The following MIGA2 variants were observed in gnomAD, a reference collection of about 807,000 sequenced individuals.
The protein encoded by MIGA2 is mitoguardin 2.
Under a neutral mutation model 69.9 loss-of-function variants are expected in MIGA2, and 36 were observed. The observed-to-expected ratio is 0.52, with a 90% CI of 0.39 to 0.68. The LOEUF (loss-of-function observed/expected upper bound fraction) is 0.68. MIGA2 is among the 30% of genes least tolerant of loss of function. The pLI is 0.00. For synonymous variants in MIGA2, 333 were observed against 349.2 expected, an observed-to-expected ratio of 0.95 and a Z score of 0.52; for missense variants, 660 against 787.7, an observed-to-expected ratio of 0.84 and a Z score of 1.94.
Position 129,068,165 on chromosome 9 carries a change from C to A in MIGA2, c.1270-33C>A. On this transcript the variant is annotated intron_variant, in intron 12 of 15. Transcript: ENST00000684074. This position sits in a 1 kb window ranked among gnomAD's most constrained non-coding sequence, Gnocchi z 4.1. The stretch of plus-strand genomic sequence containing the variant: ...GGCCCCGAGGCTCCGGCAGTGCCCC[C>A]ATGCATGAGCCTCCCGGGGGCACCC... 6.2e-7 allele frequency: 1 copy of A among 1,613,462 alleles called. No individual in the cohort carries two copies. Among genetic ancestry groups the A allele is most frequent in the Non-Finnish European group, 8.5e-7 (1 of 1,179,976 alleles).
chr9:129,063,391 A>ATG lies in MIGA2; in HGVS notation c.1083+78_1083+79dup, dbSNP rs1846168804. The ATG allele has an allele frequency of 9.5e-6, 15 of 1,577,936 alleles. No homozygotes were observed. The South Asian group carries it at 1.1e-4, about 12-fold the overall frequency. On this transcript the variant is annotated intron_variant, in intron 10 of 15. Coordinates refer to ENST00000684074, the MANE Select transcript of MIGA2 (RefSeq NM_001329990.2). ...GGCTGGCCATGGCTGTGTGGCATGT[A>ATG]TGTGGCCTCCTGGTCCCTGGCCAGG...
intron 3 of MIGA2, among the ~76,000 whole-genome samples, chr9:129,047,718 A>G (rs1187125427): frequency 6.6e-6 from 1 of 151,080 alleles, no homozygotes; most frequent in Non-Finnish European, 1.5e-5. Context: ...CATCCTAAAA[A>G]AATTTATATA....
At chr9:129,050,807 G>A (rs998576120) in intron 6 of MIGA2, among the ~76,000 whole-genome samples, 3 of 151,838 alleles carry the variant, frequency 2.0e-5, no homozygotes, top group Non-Finnish European at 4.4e-5. Flanking sequence ...TCTTGACCTC[G>A]TGATCCGCCT....
rs10513506 is a variant in MIGA2 at position 129,036,860 on chromosome 9, C to A, written c.-144+179C>A. The stretch of plus-strand genomic sequence containing the variant: ...TGCGAGAGGGTGCCTTGCTTGGGAG[C>A]GGAACGAGAAGGTACTTGGGTCAGG... On this transcript the variant is annotated intron_variant, in intron 1 of 15. Coordinates refer to ENST00000684074, the MANE Select transcript of MIGA2 (RefSeq NM_001329990.2). The A allele has an allele frequency of 3.6e-6, 3 of 835,400 alleles. No individual in the cohort carries two copies. The South Asian group carries it at 1.7e-4, about 47-fold the overall frequency. The allele number at this position is 835,400 out of a possible 1,614,324, so 51.7% of individuals were successfully genotyped here. A position where few individuals can be genotyped will look rare whatever the true frequency, so the allele number is the denominator to read the frequency against.
At position 129,040,576 on chromosome 9, in the gene MIGA2, C is replaced by G; in HGVS notation, c.-19C>G. On this transcript the variant is annotated 5_prime_UTR_variant, in exon 2 of 16. Coordinates refer to ENST00000684074, the MANE Select transcript of MIGA2 (RefSeq NM_001329990.2). Reference sequence around the variant, plus strand: ...AAGCTCTTGGCCCTGAGGACTTTGCCTGGGGCATTGGCCCTGCCATGGCGT... The same window carrying G: ...AAGCTCTTGGCCCTGAGGACTTTGCGTGGGGCATTGGCCCTGCCATGGCGT... 1 of 1,605,230 alleles carries G rather than the reference C, an allele frequency of 6.2e-7. No homozygotes were observed. The highest frequency in any genetic ancestry group is 8.5e-7 in the Non-Finnish European group (1 of 1,173,768).
rs1379878993 is a variant in MIGA2, at chr9:129,063,554, G to A, written c.1093G>A (p.Glu365Lys). Residue 365 changes from glutamate (E) to lysine (K), a missense_variant, in exon 11 of 16, where the codon GAA (glutamate) becomes AAA (lysine). Glu to Lys is a moderately conservative substitution (Grantham distance 56, BLOSUM62 1). Around this residue, in one of 3 missense-constraint regions of MIGA2, gnomAD observed 386 missense variants for 402.0 expected, o/e 0.96. Coordinates refer to ENST00000684074, the MANE Select transcript of MIGA2 (RefSeq NM_001329990.2). ...CTTCCTCCTTCCCTAGGGGCTTCTG[G>A]AAGACAAGAGTAACCAGCTTTTCTT... ...CVRQAFEGLLEDKSNQLFFGK... is the reference protein window; with the variant it reads ...CVRQAFEGLLKDKSNQLFFGK... 6.4e-7 allele frequency: 1 copy of A among 1,568,132 alleles called. No homozygotes were observed. Among genetic ancestry groups the A allele is most frequent in the Non-Finnish European group, 8.7e-7 (1 of 1,152,056 alleles).
intron 6 of MIGA2, among the ~76,000 whole-genome samples, chr9:129,056,446 A>G (rs141331805): frequency 2.0e-5 from 3 of 152,286 alleles, no homozygotes; most frequent in African/African-American, 7.2e-5. Flanking sequence ...ACAGTAGGCA[A>G]TGCACGTCAC....
intron 3 of MIGA2, among the ~76,000 whole-genome samples, chr9:129,042,930 C>T (rs1220273922): frequency 2.0e-5 from 3 of 152,180 alleles, no homozygotes; most frequent in Non-Finnish European, 4.4e-5. Context: ...CGCGGTGGCT[C>T]ACGCCTGTAA....
rs1020327855 is a variant in MIGA2 at position 129,069,234 on chromosome 9, G to A, written c.1458+105G>A. On this transcript the variant is annotated intron_variant, in intron 14 of 15. Coordinates refer to ENST00000684074, the MANE Select transcript of MIGA2 (RefSeq NM_001329990.2). The surrounding 1 kb of genome is among the most constrained non-coding windows in gnomAD (Gnocchi z 4.9). ...CTCGCTGGGCCACTTGGCCTTCACC[G>A]CTCACAGTCCTGGCCCCCTTGTTCC... The A allele has an allele frequency of 3.6e-6, 5 of 1,402,520 alleles. No homozygotes were observed. The highest frequency in any genetic ancestry group is 1.7e-5 in the Admixed American group (1 of 59,332). The allele number at this position is 1,402,520 out of a possible 1,614,324, so 86.9% of individuals were successfully genotyped here. A position where few individuals can be genotyped will look rare whatever the true frequency, so the allele number is the denominator to read the frequency against.
intron 11 of MIGA2, 24 bp downstream of exon 11, chr9:129,063,655 G>GGGGGGA: frequency 3.1e-6 from 2 of 645,742 alleles, no homozygotes; most frequent in Non-Finnish European, 5.8e-6. Flanking sequence ...GGGTGGGGGG[G>GGGGGGA]CAAATTATAA....
chr9:129,068,974 G>T lies in MIGA2; in HGVS notation c.1405-102G>T. 1.5e-6 allele frequency: 2 copies of T among 1,338,790 alleles called. No homozygotes were observed. Among genetic ancestry groups the T allele is most frequent in the Non-Finnish European group, 2.1e-6 (2 of 932,802 alleles). 82.9% of individuals were successfully genotyped at this position (1,338,790 alleles called of 1,614,324 possible). Reference sequence around the variant, plus strand: ...TGGCCCCATCTTCCTGCTTGGAGTGGGGTGAGCTGGGTTTAAGGGCTTGGT... The same window carrying T: ...TGGCCCCATCTTCCTGCTTGGAGTGTGGTGAGCTGGGTTTAAGGGCTTGGT... On this transcript the variant is annotated intron_variant, in intron 13 of 15. Transcript: ENST00000684074. The surrounding 1 kb of genome is among the most constrained non-coding windows in gnomAD (Gnocchi z 4.1).
In MIGA2 at chr9:129,042,085, G is replaced by A. The variant is rs183619702; in HGVS notation, c.97-219G>A. 271 of 579,730 alleles carry A rather than the reference G, an allele frequency of 4.7e-4. 3 individuals are homozygous for A. The Middle Eastern group carries it at 5.7e-3, about 12-fold the overall frequency. 35.9% of individuals were successfully genotyped at this position (579,730 alleles called of 1,614,324 possible). On this transcript the variant is annotated intron_variant, in intron 2 of 15. Transcript: ENST00000684074. ...GCTGGCCCCTAGACCTCACCTTCTC[G>A]GCACTGGCATCTTGCCATCTTTATG...
intron 9 of MIGA2, among the ~76,000 whole-genome samples, chr9:129,062,873 T>G (rs1185553041): frequency 6.6e-6 from 1 of 151,366 alleles, no homozygotes; most frequent in Non-Finnish European, 1.5e-5. Flanking sequence ...TGACCAGAAA[T>G]GAATCAGACA....
At chr9:129,047,375 G>A (rs542931294) in intron 3 of MIGA2, among the ~76,000 whole-genome samples, 14 of 150,944 alleles carry the variant, frequency 9.3e-5, no homozygotes, top group Admixed American at 6.0e-4. Context: ...CACTGTGCCC[G>A]GCCCTGTCTC....
At chr9:129,052,128 T>TG (rs1189072354) in intron 6 of MIGA2, among the ~76,000 whole-genome samples, 2 of 127,408 alleles carry the variant, frequency 1.6e-5, no homozygotes. Context: ...GCCCAGCCTG[T>TG]AATTTATTTA....
intron 1 of MIGA2, chr9:129,036,944 TC>T (rs1158875654): frequency 6.0e-6 from 6 of 1,002,626 alleles, no homozygotes; most frequent in Non-Finnish European, 7.2e-6. Context: ...AGGTACCCGA[TC>T]CGAGGCGGGG....
At chr9:129,055,347 G>A (rs1845742002) in intron 6 of MIGA2, among the ~76,000 whole-genome samples, 1 of 151,702 alleles carries the variant, frequency 6.6e-6, no homozygotes, top group Admixed American at 6.6e-5. Context: ...CAAAGTGCTG[G>A]GATTACAAGT....
In MIGA2 at chr9:129,040,672, G is replaced by A. The variant is rs747559904; in HGVS notation, c.78G>A (p.Leu26=). The A allele has an allele frequency of 1.2e-5, 19 of 1,613,574 alleles. No individual in the cohort carries two copies. The highest frequency in any genetic ancestry group is 8.5e-7 in the Non-Finnish European group (1 of 1,179,712). The stretch of plus-strand genomic sequence containing the variant: ...CGGTGGCCGAGATCCCCGTGTTCCT[G>A]TACACGACGTTTGGGCAGGTAAGGA... The part of the protein sequence containing the change: ...AMTVAEIPVF[L]YTTFGQSAFS... The change falls in exon 2 of 16, where the codon CTG becomes CTA. Residue 26 remains leucine, a synonymous_variant. Coordinates refer to ENST00000684074, the MANE Select transcript of MIGA2 (RefSeq NM_001329990.2).
intron 11 of MIGA2, among the ~76,000 whole-genome samples, chr9:129,065,996 G>T (rs1283429620): frequency 6.6e-6 from 1 of 152,170 alleles, no homozygotes; most frequent in Non-Finnish European, 1.5e-5. Flanking sequence ...CCCCATCCAG[G>T]GCCTAGCACA....
Sources: allele counts gnomAD v4.1 joint callset (sites outside exome capture counted in the v4.1 genomes callset), GRCh38; gene constraint gnomAD v4.1.1; regional missense constraint gnomAD v4.1.1; non-coding constraint Gnocchi (gnomAD v3.1); transcripts MANE v1.5; gene names NCBI Gene and HGNC (gene_info 2026-07-23, HGNC 2026-07-21).